Variants in UBE2E2 observed in about 807,000 individuals in gnomAD.
UBE2E2 encodes the protein ubiquitin conjugating enzyme E2 E2, also known as ubiquitin-conjugating enzyme E2 E2.
UBE2E2 carries 6 observed loss-of-function variants against 24.7 expected under a neutral mutation model. The ratio of observed to expected loss-of-function variants is 0.24; its 90% confidence interval spans 0.13 to 0.48. The LOEUF is 0.48. Among genes scored for constraint, UBE2E2 ranks in the 20% least tolerant of loss-of-function variants. UBE2E2 has a pLI of 0.99. For synonymous variants in UBE2E2, 104 were observed against 83.6 expected, an observed-to-expected ratio of 1.24 and a Z score of -1.33; for missense variants, 169 against 245.0, an observed-to-expected ratio of 0.69 and a Z score of 2.07.
intron 3 of UBE2E2, among the ~76,000 whole-genome samples, chr3:23,300,085 T>C (rs1699028633): frequency 6.6e-6 from 1 of 152,208 alleles, no homozygotes; most frequent in African/African-American, 2.4e-5. Context: ...AAGTCTGTTT[T>C]ATCAGAGACT....
At chr3:23,267,898 A>G (rs1698095375) in intron 3 of UBE2E2, among the ~76,000 whole-genome samples, 1 of 151,202 alleles carries the variant, frequency 6.6e-6, no homozygotes, top group Non-Finnish European at 1.5e-5. Flanking sequence ...AGGCTGGTTC[A>G]ATATATGCAA....
chr3:23,352,459 A>G (rs1180571803), intron 3 of UBE2E2, among the ~76,000 whole-genome samples: 1 of 152,218 alleles, frequency 6.6e-6, no homozygotes, highest in Non-Finnish European at 1.5e-5. Flanking sequence ...GTTTTTTGAA[A>G]GGATCAACAA....
At chr3:23,496,150 C>G (rs1699593781) in intron 3 of UBE2E2, among the ~76,000 whole-genome samples, 1 of 152,118 alleles carries the variant, frequency 6.6e-6, no homozygotes, top group Non-Finnish European at 1.5e-5. Flanking sequence ...TAAATTCATA[C>G]AGTAGGATCT....
At chr3:23,274,918 A>G (rs530502975) in intron 3 of UBE2E2, among the ~76,000 whole-genome samples, 1 of 152,344 alleles carries the variant, frequency 6.6e-6, no homozygotes, top group African/African-American at 2.4e-5. Context: ...TATAAAATCA[A>G]TAATAATTAC....
chr3:23,430,560 A>T (rs1312093804), intron 3 of UBE2E2, among the ~76,000 whole-genome samples: 1 of 151,078 alleles, frequency 6.6e-6, no homozygotes, highest in Non-Finnish European at 1.5e-5. Context: ...ACAGGGTCTC[A>T]CTCTGTCACC....
chr3:23,350,487 A>T (rs989959014), intron 3 of UBE2E2, among the ~76,000 whole-genome samples: 7 of 152,298 alleles, frequency 4.6e-5, no homozygotes, highest in Non-Finnish European at 1.0e-4. Context: ...AAAAACTTTG[A>T]AAAAAATTTA....
At chr3:23,373,561 ATGTATAGCAGGGAGACT>A (rs1192313155) in intron 3 of UBE2E2, among the ~76,000 whole-genome samples, 1 of 152,204 alleles carries the variant, frequency 6.6e-6, no homozygotes, top group African/African-American at 2.4e-5. Context: ...AGATTTCACT[ATGTATAGCAGGGAGACT>A]TGCATTCCTG....
At chr3:23,326,080 A>G (rs547982946) in intron 3 of UBE2E2, among the ~76,000 whole-genome samples, 3 of 151,980 alleles carry the variant, frequency 2.0e-5, no homozygotes, top group East Asian at 3.9e-4. Context: ...ATTTTTATTT[A>G]TTTATTTTTG....
At chr3:23,224,895 G>C (rs1332681650) in intron 3 of UBE2E2, among the ~76,000 whole-genome samples, 3 of 149,288 alleles carry the variant, frequency 2.0e-5, no homozygotes, top group African/African-American at 7.4e-5. Flanking sequence ...GTAAGTCTGT[G>C]TTTCCTGCCA....
At chr3:23,237,286 A>G (rs1407457576) in intron 3 of UBE2E2, among the ~76,000 whole-genome samples, 3 of 152,218 alleles carry the variant, frequency 2.0e-5, no homozygotes, top group Non-Finnish European at 4.4e-5. Context: ...GTGAAGGCAT[A>G]TAATGTATTA....
chr3:23,324,979 A>G (rs976163143), intron 3 of UBE2E2, among the ~76,000 whole-genome samples: 3 of 152,184 alleles, frequency 2.0e-5, no homozygotes, highest in African/African-American at 7.2e-5. Flanking sequence ...AAATGAAACT[A>G]TAAATATTTT....
At chr3:23,208,346 C>T (rs1696209706) in intron 1 of UBE2E2, among the ~76,000 whole-genome samples, 2 of 152,170 alleles carry the variant, frequency 1.3e-5, no homozygotes, top group Non-Finnish European at 2.9e-5. Context: ...CACAGTACTT[C>T]ATTCTTTTTT....
rs538192625 is a variant in UBE2E2 at position 23,368,091 on chromosome 3, A to G, written c.228-131517A>G. Among the ~76,000 whole-genome samples the G allele has an allele frequency of 1.4e-4, 21 of 152,072 alleles. No individual in the cohort carries two copies. The East Asian group carries it at 3.5e-3, about 25-fold the overall frequency. On this transcript the variant is annotated intron_variant, in intron 3 of 5. Coordinates refer to ENST00000396703, the MANE Select transcript of UBE2E2 (RefSeq NM_152653.4). ...CATTTTCATTTTGTGATGGCATTTG[A>G]TTTCCTATGTACTGTGTTTTTTTCA...
chr3:23,264,629 G>GC (rs1697994392), intron 3 of UBE2E2, among the ~76,000 whole-genome samples: 1 of 152,180 alleles, frequency 6.6e-6, no homozygotes, highest in Non-Finnish European at 1.5e-5. Context: ...TGATGATGTG[G>GC]CCCAAGTATG....
rs1187017187 is a variant in UBE2E2, at chr3:23,280,154, G to T, written c.227+62842G>T. On this transcript the variant is annotated intron_variant, in intron 3 of 5. Coordinates refer to ENST00000396703, the MANE Select transcript of UBE2E2 (RefSeq NM_152653.4). The surrounding 1 kb of genome is among the most constrained non-coding windows in gnomAD (Gnocchi z 4.3). ...GAAGCTTTTATAGAGAAGAAACACT[G>T]TGGGTTAGGATGGGAGTTGTAGCAA... 6.6e-6 allele frequency among the ~76,000 whole-genome samples: 1 copy of T among 152,170 alleles called. No individual in the cohort carries two copies.
At chr3:23,237,700 G>A (rs949492035) in intron 3 of UBE2E2, among the ~76,000 whole-genome samples, 1 of 151,938 alleles carries the variant, frequency 6.6e-6, no homozygotes, top group Non-Finnish European at 1.5e-5. Context: ...TTAGTATGAG[G>A]CACTTTTGCT....
intron 4 of UBE2E2, among the ~76,000 whole-genome samples, chr3:23,500,736 C>T (rs1012754933): frequency 2.6e-5 from 4 of 152,212 alleles, no homozygotes; most frequent in African/African-American, 9.7e-5. Flanking sequence ...TTTCTTCCTT[C>T]CTTTCCATTG....
At chr3:23,476,419 G>A (rs1699139829) in intron 3 of UBE2E2, among the ~76,000 whole-genome samples, 1 of 152,094 alleles carries the variant, frequency 6.6e-6, no homozygotes, top group Non-Finnish European at 1.5e-5. Flanking sequence ...CTCAGGCCAG[G>A]TGCAGTGGTT....
intron 3 of UBE2E2, among the ~76,000 whole-genome samples, chr3:23,301,499 C>T (rs375330048): frequency 1.3e-5 from 2 of 152,202 alleles, no homozygotes; most frequent in South Asian, 4.1e-4. Context: ...TTCCTTCTAA[C>T]AGTCAGGACC....
Sources: gnomAD v4.1 joint callset for allele counts (sites outside exome capture counted in the v4.1 genomes callset) on GRCh38, gnomAD v4.1.1 for gene constraint, Gnocchi (gnomAD v3.1) non-coding constraint, MANE v1.5 for transcripts, NCBI Gene and HGNC (gene_info 2026-07-23, HGNC 2026-07-21) for gene names.